WASHC3: variants seen among roughly 807,000 people sequenced by gnomAD.
WASHC3 encodes WASH complex subunit 3.
In WASHC3, 24 loss-of-function variants were observed where a neutral mutation model predicts 26.1. The observed-to-expected ratio is 0.92, with a 90% CI of 0.66 to 1.29. The LOEUF (loss-of-function observed/expected upper bound fraction) is 1.29, where lower values mean the gene tolerates loss of function less well. WASHC3 is among the 50% of genes most tolerant of loss of function. The pLI, the probability that WASHC3 is intolerant of heterozygous loss-of-function variation, is 0.00. For missense variants in WASHC3, 214 were observed against 229.6 expected (o/e 0.93, Z 0.44); for synonymous variants, 77 against 75.7 (o/e 1.02, Z -0.09).
At chr12:102,044,250 T>C (rs778386331) in intron 3 of WASHC3, 38 bp from the exon 4 acceptor site, 1 of 1,043,258 alleles carries the variant, frequency 9.6e-7, no homozygotes, top group Non-Finnish European at 1.4e-6. Context: ...ATGAAGATAG[T>C]ACTTGCATAA....
intron 6 of WASHC3, among the ~76,000 whole-genome samples, chr12:102,016,145 C>T (rs1330662050): frequency 1.3e-5 from 2 of 152,112 alleles, no homozygotes; most frequent in Non-Finnish European, 2.9e-5. Context: ...CTGCCTCAGC[C>T]TCCCAAAGTG....
chr12:102,018,870 CA>C (rs1260943598), intron 6 of WASHC3, among the ~76,000 whole-genome samples: 1 of 152,104 alleles, frequency 6.6e-6, no homozygotes, highest in Non-Finnish European at 1.5e-5. Flanking sequence ...CATCTTGGCT[CA>C]CTCCAACCTC....
rs1034014712 is a variant in WASHC3 at position 102,046,205 on chromosome 12, A to G, written c.151-86T>C. On this transcript the variant is annotated intron_variant, in intron 2 of 6. Transcript: ENST00000240079. ...AAGGGCAGATATGAAAATATTAAAA[A>G]CCATTAAATATTTGTCATATTCTAA... is the stretch of plus-strand genomic sequence containing the variant. The G allele has an allele frequency of 8.0e-6, 6 of 747,166 alleles. No homozygotes were observed. The African/African-American group carries it at 8.9e-5, about 11-fold the overall frequency. 46.3% of individuals were successfully genotyped at this position (747,166 alleles called of 1,614,324 possible). A position where few individuals can be genotyped will look rare whatever the true frequency, so the allele number is the denominator to read the frequency against.
intron 5 of WASHC3, among the ~76,000 whole-genome samples, chr12:102,028,743 GATTATAAGAATAATAAGA>G (rs1249526296): frequency 8.6e-5 from 13 of 150,964 alleles, no homozygotes; most frequent in South Asian, 6.3e-4. Context: ...TCATGGAATT[GATTATAAGAATAATAAGA>G]ATTATAAGAA....
chr12:102,038,037 C>T (rs920459515), intron 5 of WASHC3, among the ~76,000 whole-genome samples: 6 of 152,172 alleles, frequency 3.9e-5, no homozygotes, highest in Middle Eastern at 3.4e-3. Context: ...TCAAGTGATC[C>T]GCCCGCCTCG....
intron 5 of WASHC3, among the ~76,000 whole-genome samples, chr12:102,027,652 C>T (rs187280732): frequency 1.2e-3 from 178 of 152,170 alleles, no homozygotes; most frequent in Non-Finnish European, 2.1e-3. Context: ...GTCATAATCA[C>T]TTATTTTGGC....
intron 4 of WASHC3, 55 bp from the exon 5 acceptor site, chr12:102,040,033 T>A (rs4237982): frequency 1.4e-6 from 1 of 718,624 alleles, no homozygotes; most frequent in Non-Finnish European, 2.4e-6. Flanking sequence ...GGGTCTATCA[T>A]GTTACTTAAA....
intron 4 of WASHC3, among the ~76,000 whole-genome samples, chr12:102,041,867 C>T (rs934227514): frequency 6.6e-6 from 1 of 151,814 alleles, no homozygotes; most frequent in African/African-American, 2.4e-5. Context: ...ATAAAATTGC[C>T]AGAGATATAC....
chr12:102,048,640 T>C (rs1418061620), intron 2 of WASHC3, among the ~76,000 whole-genome samples: 2 of 73,692 alleles, frequency 2.7e-5, no homozygotes, highest in South Asian at 3.3e-4. Context: ...GAAATCATAG[T>C]TTTTTTTTTA....
chr12:102,046,141 C>T, intron 2 of WASHC3, 22 bp from the exon 3 acceptor site: 1 of 1,414,746 alleles, frequency 7.1e-7, no homozygotes, highest in Non-Finnish European at 9.9e-7. Context: ...AAATTAGAGA[C>T]ATAAAGACTT....
chr12:102,040,029 AT>A, intron 4 of WASHC3, 51 bp from the exon 5 acceptor site: 1 of 794,776 alleles, frequency 1.3e-6, no homozygotes, highest in Non-Finnish European at 2.1e-6. Context: ...AAAGGGGTCT[AT>A]CATGTTACTT....
intron 4 of WASHC3, among the ~76,000 whole-genome samples, chr12:102,040,977 T>A (rs1594362556): frequency 6.6e-6 from 1 of 152,076 alleles, no homozygotes; most frequent in Admixed American, 6.5e-5. Flanking sequence ...AATTACATAT[T>A]GAAGTTTTTC....
intron 4 of WASHC3, chr12:102,043,887 A>G (rs1878045996): frequency 3.4e-6 from 1 of 297,920 alleles, no homozygotes; most frequent in East Asian, 6.4e-5. Flanking sequence ...TCCTATATAG[A>G]CTGATTTTCT....
At chr12:102,033,572 G>A (rs1325371341) in intron 5 of WASHC3, among the ~76,000 whole-genome samples, 2 of 152,030 alleles carry the variant, frequency 1.3e-5, no homozygotes, top group Admixed American at 6.6e-5. Context: ...AAAGGCAACT[G>A]AAAAGAGACA....
chr12:102,013,429 T>C (rs1405214662), intron 6 of WASHC3, among the ~76,000 whole-genome samples: 1 of 152,222 alleles, frequency 6.6e-6, no homozygotes, highest in Non-Finnish European at 1.5e-5. Context: ...CCTTACATAG[T>C]GCGCTACTTC....
chr12:102,035,267 A>T (rs1450153311), intron 5 of WASHC3, among the ~76,000 whole-genome samples: 1 of 152,184 alleles, frequency 6.6e-6, no homozygotes, highest in Middle Eastern at 3.2e-3. Context: ...GCAATGAGGC[A>T]AACATGCAAC....
At position 102,013,035 on chromosome 12, in the gene WASHC3, G is replaced by A. The variant is rs1367399212; in HGVS notation, c.*73C>T. On this transcript the variant is annotated 3_prime_UTR_variant, in exon 7 of 7. Transcript: ENST00000240079. ...ATTTGATGTTTTTATGACTAAGAGA[G>A]TTCAGGCTCAATCTCTTACAGAATG... 8 of 692,598 alleles carry A rather than the reference G, an allele frequency of 1.2e-5. No individual in the cohort carries two copies. In the South Asian group the frequency reaches 1.4e-4, roughly 12 times the overall value. 42.9% of individuals were successfully genotyped at this position (692,598 alleles called of 1,614,324 possible).
intron 5 of WASHC3, among the ~76,000 whole-genome samples, chr12:102,037,389 A>AT (rs1877710412): frequency 6.6e-6 from 1 of 152,338 alleles, no homozygotes; most frequent in East Asian, 1.9e-4. Flanking sequence ...TACAGCAGAG[A>AT]AGGCGTAAAG....
At chr12:102,026,268 G>C (rs1877183239) in intron 5 of WASHC3, among the ~76,000 whole-genome samples, 1 of 152,012 alleles carries the variant, frequency 6.6e-6, no homozygotes, top group Non-Finnish European at 1.5e-5. Context: ...CATCATTTGA[G>C]CTTATTCATT....
Sources: allele counts gnomAD v4.1 joint callset (sites outside exome capture counted in the v4.1 genomes callset), GRCh38; gene constraint gnomAD v4.1.1; transcripts MANE v1.5; gene names NCBI Gene and HGNC (gene_info 2026-07-23, HGNC 2026-07-21).